Variants in ATF6 observed in about 807,000 individuals in gnomAD.
The protein encoded by ATF6 is cyclic AMP-dependent transcription factor ATF-6 alpha.
A neutral mutation model predicts 83.6 loss-of-function variants in ATF6; 53 were observed. The observed-to-expected ratio is 0.63, with a 90% CI of 0.51 to 0.80. The LOEUF (loss-of-function observed/expected upper bound fraction) is 0.80. ATF6 is among the 30% of genes least tolerant of loss of function. ATF6 has a pLI of 0.00. For missense variants in ATF6, 744 were observed against 797.9 expected, an observed-to-expected ratio of 0.93 and a Z score of 0.81; for synonymous variants, 288 against 285.8, an observed-to-expected ratio of 1.01 and a Z score of -0.08.
chr1:161,851,941 C>T (rs1334440622), intron 11 of ATF6, 106 bp downstream of exon 11: 7 of 802,892 alleles, frequency 8.7e-6, no homozygotes, highest in Admixed American at 2.1e-5. Context: ...GAGAGAATCT[C>T]TGAATTATTT....
chr1:161,802,643 G>A (rs1383858574), intron 7 of ATF6, among the ~76,000 whole-genome samples: 1 of 152,176 alleles, frequency 6.6e-6, no homozygotes, highest in African/African-American at 2.4e-5. Context: ...ATGTTTTAGC[G>A]ATCTTCAGAT....
intron 10 of ATF6, among the ~76,000 whole-genome samples, chr1:161,848,476 T>C (rs1686534916): frequency 1.3e-5 from 2 of 152,314 alleles, no homozygotes; most frequent in South Asian, 4.1e-4. Context: ...TAGTTTATAA[T>C]ATTGTATTAG....
At position 161,960,408 on chromosome 1, in the gene ATF6, C is replaced by G. The variant is rs1425550356; in HGVS notation, c.*1754C>G. 6.6e-6 allele frequency: 1 copy of G among 152,220 alleles called. No individual in the cohort carries two copies. Among genetic ancestry groups the G allele is most frequent in the African/African-American group, 2.4e-5 (1 of 41,456 alleles). The allele number at this position is 152,220 out of a possible 1,614,324, so 9.4% of individuals were successfully genotyped here. ...AAAGGGAACGAGAAATTGTAGCAAC[C>G]TCTCAAGGATTATATGCAGCTAGTT... On this transcript the variant is annotated 3_prime_UTR_variant, in exon 16 of 16. Coordinates refer to ENST00000367942, the MANE Select transcript of ATF6 (RefSeq NM_007348.4).
At chr1:161,880,113 A>C (rs1687291793) in intron 14 of ATF6, among the ~76,000 whole-genome samples, 1 of 152,108 alleles carries the variant, frequency 6.6e-6, no homozygotes, top group African/African-American at 2.4e-5. Context: ...TTCTGTCTTG[A>C]GTGGCTGGTT....
intron 9 of ATF6, among the ~76,000 whole-genome samples, chr1:161,825,107 G>A (rs976850492): frequency 6.6e-6 from 1 of 152,032 alleles, no homozygotes; most frequent in Non-Finnish European, 1.5e-5. Flanking sequence ...ACAGGGTCTT[G>A]CTCTGTTGCC....
At chr1:161,829,924 A>G (rs929362090) in intron 9 of ATF6, among the ~76,000 whole-genome samples, 8 of 152,090 alleles carry the variant, frequency 5.3e-5, no homozygotes, top group South Asian at 2.1e-4. Flanking sequence ...CACCACTCCT[A>G]TTCAACATAG....
intron 2 of ATF6, 44 bp from the exon 3 acceptor site, chr1:161,781,868 T>C: frequency 7.7e-7 from 1 of 1,297,462 alleles, no homozygotes; most frequent in Non-Finnish European, 1.1e-6. Context: ...AAGATGTGTA[T>C]GTTTTATTCT....
chr1:161,956,799 A>C (rs139213429), intron 15 of ATF6, among the ~76,000 whole-genome samples: 1 of 152,236 alleles, frequency 6.6e-6, no homozygotes, highest in Admixed American at 6.5e-5. Flanking sequence ...TATGTATTCT[A>C]TTGGATTTAA....
intron 14 of ATF6, among the ~76,000 whole-genome samples, chr1:161,893,101 A>C (rs553175717): frequency 3.9e-4 from 59 of 152,334 alleles, no homozygotes; most frequent in African/African-American, 1.4e-3. Flanking sequence ...CTGTGAGTCT[A>C]TTCTAACCTA....
chr1:161,851,985 T>C, intron 11 of ATF6, 150 bp downstream of exon 11: 1 of 596,356 alleles, frequency 1.7e-6, no homozygotes, highest in Non-Finnish European at 3.0e-6. Flanking sequence ...TTGTCCAGTT[T>C]CTCCACCAAC....
chr1:161,850,720 C>T (rs190357141), intron 10 of ATF6, among the ~76,000 whole-genome samples: 66 of 152,256 alleles, frequency 4.3e-4, no homozygotes, highest in African/African-American at 1.5e-3. Context: ...GTGAGTCTCA[C>T]TATGTTCAGT....
chr1:161,951,204 T>C (rs1365422009), intron 15 of ATF6, among the ~76,000 whole-genome samples: 1 of 152,248 alleles, frequency 6.6e-6, no homozygotes, highest in Non-Finnish European at 1.5e-5. Context: ...CAAAGAGTCA[T>C]TGTTGATGGT....
intron 9 of ATF6, among the ~76,000 whole-genome samples, chr1:161,832,480 A>G (rs1686089978): frequency 6.6e-6 from 1 of 152,194 alleles, no homozygotes; most frequent in Non-Finnish European, 1.5e-5. Context: ...AGGAAGTGCA[A>G]GGGGTCAGGT....
chr1:161,813,535 C>T (rs146865087), intron 7 of ATF6, among the ~76,000 whole-genome samples: 1 of 152,290 alleles, frequency 6.6e-6, no homozygotes, highest in African/African-American at 2.4e-5. Context: ...TACTCAATCT[C>T]ATGAAACAAC....
intron 10 of ATF6, among the ~76,000 whole-genome samples, chr1:161,850,148 A>C (rs187461393): frequency 6.6e-6 from 1 of 152,304 alleles, no homozygotes; most frequent in East Asian, 1.9e-4. Flanking sequence ...GCAAGGTATG[A>C]ATGTAAATTG....
At chr1:161,913,382 T>A (rs1288451948) in intron 15 of ATF6, among the ~76,000 whole-genome samples, 3 of 152,338 alleles carry the variant, frequency 2.0e-5, no homozygotes, top group South Asian at 4.1e-4. Context: ...GGATTCCAGA[T>A]AAGTTTCAAT....
intron 9 of ATF6, among the ~76,000 whole-genome samples, chr1:161,828,463 G>C (rs903733224): frequency 2.0e-5 from 3 of 152,130 alleles, no homozygotes; most frequent in Admixed American, 6.5e-5. Flanking sequence ...GTAGTGTCTG[G>C]GGATGGGAAA....
rs575629390 is a variant in ATF6 at position 161,860,183 on chromosome 1, CTTTT to C, written c.1534-14_1534-11del. The C allele has an allele frequency of 1.5e-5, 18 of 1,208,674 alleles. No homozygotes were observed. In the South Asian group the frequency reaches 2.2e-4, roughly 15 times the overall value. 74.9% of individuals were successfully genotyped at this position (1,208,674 alleles called of 1,614,324 possible). A position where few individuals can be genotyped will look rare whatever the true frequency, so the allele number is the denominator to read the frequency against. On this transcript the variant is annotated intron_variant, in intron 12 of 15. Transcript: ENST00000367942. ...TATAATTTTGTGATACAGTATTAAA[CTTTT>C]TTTTTTTTTAATATTCCAGGGTGCT...
At chr1:161,920,261 C>T (rs1165551268) in intron 15 of ATF6, among the ~76,000 whole-genome samples, 7 of 140,780 alleles carry the variant, frequency 5.0e-5, no homozygotes, top group Non-Finnish European at 1.1e-4. Context: ...TTAAAAAATA[C>T]ATAATCATAG....
Sources: gnomAD v4.1 joint callset for allele counts (sites outside exome capture counted in the v4.1 genomes callset) on GRCh38, gnomAD v4.1.1 for gene constraint, MANE v1.5 for transcripts, NCBI Gene and HGNC (gene_info 2026-07-23, HGNC 2026-07-21) for gene names.